Variants in BRCC3 observed in about 807,000 individuals in gnomAD.
BRCC3 encodes BRCA1/BRCA2-containing complex subunit 3.
BRCC3 carries 15 observed loss-of-function variants against 28.0 expected under a neutral mutation model. That is an observed-to-expected ratio of 0.54 (90% CI 0.36 to 0.82). The LOEUF is 0.82. Among genes scored for constraint, BRCC3 ranks in the 40% least tolerant of loss-of-function variants. The pLI, the probability that BRCC3 is intolerant of heterozygous loss-of-function variation, is 0.01. For synonymous variants in BRCC3, 66 were observed against 80.3 expected (o/e 0.82, Z 0.95); for missense variants, 109 against 225.9 (o/e 0.48, Z 3.32).
chrX:155,122,762 G>A lies in BRCC3; in HGVS notation c.*1558G>A, dbSNP rs1410421125. 9.0e-6 allele frequency: 1 copy of A among 111,440 alleles called. No homozygotes were observed. The highest frequency in any genetic ancestry group is 3.8e-4 in the South Asian group (1 of 2,647). The allele number at this position is 111,440 out of a possible 1,213,427, so 9.2% of individuals were successfully genotyped here. ...AGTCTCAAATGGTCACATACTGTAT[G>A]ATCGCATTTATATAACATTCTTGAG... On this transcript the variant is annotated 3_prime_UTR_variant, in exon 11 of 11. Coordinates refer to ENST00000330045, the MANE Select transcript of BRCC3 (RefSeq NM_001018055.3).
At chrX:155,093,326 G>A (rs2074186692) in intron 7 of BRCC3, among the ~76,000 whole-genome samples, 1 of 109,997 alleles carries the variant, frequency 9.1e-6, no homozygotes, top group African/African-American at 3.3e-5. Context: ...AATTTAAACA[G>A]TTTCTTCTAG....
At chrX:155,075,478 C>A (rs781992227) in intron 3 of BRCC3, among the ~76,000 whole-genome samples, 1 of 112,134 alleles carries the variant, frequency 8.9e-6, no homozygotes, top group African/African-American at 3.2e-5. Context: ...TATTGTATAT[C>A]TCTCATCCCA....
chrX:155,086,628 C>T (rs1462940464), intron 5 of BRCC3, among the ~76,000 whole-genome samples: 1 of 111,361 alleles, frequency 9.0e-6, no homozygotes, highest in Non-Finnish European at 1.9e-5. Context: ...CAAAGCGCTG[C>T]TCACAGCGCC....
At chrX:155,074,521 T>C (rs956105595) in intron 3 of BRCC3, among the ~76,000 whole-genome samples, 2 of 111,593 alleles carry the variant, frequency 1.8e-5, no homozygotes, top group African/African-American at 6.5e-5. Flanking sequence ...CCACAATCCT[T>C]TGTGGACTCC....
intron 7 of BRCC3, chrX:155,099,458 C>T (rs1557296651): frequency 1.7e-6 from 2 of 1,159,447 alleles, no homozygotes; most frequent in Non-Finnish European, 2.3e-6. Context: ...CCCAGAAGTC[C>T]CAGAAAACAA....
At position 155,071,515 on chromosome X, in the gene BRCC3, G is replaced by A. The variant is rs782742775; in HGVS notation, c.-13G>A. ...AGTGGGCCCGAGGCGGACGTGAGAA[G>A]GGTCGGGCCAAGATGGCGGTGCAGG... On this transcript the variant is annotated 5_prime_UTR_variant, in exon 1 of 11. Coordinates refer to ENST00000330045, the MANE Select transcript of BRCC3 (RefSeq NM_001018055.3). The A allele has an allele frequency of 1.4e-5, 17 of 1,195,098 alleles. No homozygotes were observed. The South Asian group carries it at 2.6e-4, about 18-fold the overall frequency.
At chrX:155,108,602 GT>G (rs1557297769) in intron 7 of BRCC3, among the ~76,000 whole-genome samples, 2 of 112,260 alleles carry the variant, frequency 1.8e-5, no homozygotes, top group African/African-American at 6.5e-5. Context: ...GTGTGCAGTA[GT>G]ATCTTATTGT....
At chrX:155,119,522 G>A (rs1476667160) in intron 9 of BRCC3, among the ~76,000 whole-genome samples, 1 of 112,176 alleles carries the variant, frequency 8.9e-6, no homozygotes, top group African/African-American at 3.2e-5. Context: ...TTTCAAAAGA[G>A]GAGCTCTCAG....
chrX:155,104,946 CT>C (rs1434554128), intron 7 of BRCC3, among the ~76,000 whole-genome samples: 8 of 112,543 alleles, frequency 7.1e-5, no homozygotes, highest in African/African-American at 2.6e-4. Context: ...TATTTTCCCC[CT>C]GACCACTTCA....
At chrX:155,076,033 T>C (rs1231416214) in intron 3 of BRCC3, among the ~76,000 whole-genome samples, 1 of 112,595 alleles carries the variant, frequency 8.9e-6, no homozygotes, top group African/African-American at 3.2e-5. Context: ...TAGATTCATA[T>C]TCTGCTTATG....
intron 5 of BRCC3, among the ~76,000 whole-genome samples, chrX:155,086,406 T>C (rs1366916493): frequency 2.7e-5 from 3 of 111,810 alleles, no homozygotes; most frequent in Non-Finnish European, 5.7e-5. Context: ...TGGAGTGCGA[T>C]GGCGCGCCCT....
At chrX:155,116,314 C>T (rs1159981641) in intron 8 of BRCC3, 126 bp downstream of exon 8, 2 of 574,999 alleles carry the variant, frequency 3.5e-6, no homozygotes, top group Non-Finnish European at 5.3e-6. Context: ...GGGAAGCTTT[C>T]TAGCAGTCTC....
chrX:155,117,085 A>G (rs1174097442), intron 9 of BRCC3, among the ~76,000 whole-genome samples: 1 of 112,238 alleles, frequency 8.9e-6, no homozygotes, highest in East Asian at 2.8e-4. Context: ...GACGGTTTCC[A>G]TGGTGTAATG....
At chrX:155,089,561 A>T (rs1200474637) in intron 6 of BRCC3, among the ~76,000 whole-genome samples, 1 of 111,867 alleles carries the variant, frequency 8.9e-6, no homozygotes, top group Non-Finnish European at 1.9e-5. Context: ...CAGAGGAAAT[A>T]GCCAGTCCAA....
chrX:155,112,697 C>A (rs1347181556), intron 7 of BRCC3, among the ~76,000 whole-genome samples: 1 of 112,271 alleles, frequency 8.9e-6, no homozygotes, highest in Non-Finnish European at 1.9e-5. Flanking sequence ...TAAAAGGCAT[C>A]CACATTGGAA....
Position 155,122,725 on chromosome X carries a change from A to C in BRCC3, c.*1521A>C, listed in dbSNP as rs1256178493. 1 of 107,582 alleles carries C rather than the reference A, an allele frequency of 9.3e-6. No homozygotes were observed. Among genetic ancestry groups the C allele is most frequent in the African/African-American group, 3.4e-5 (1 of 29,581 alleles). 8.9% of individuals were successfully genotyped at this position (107,582 alleles called of 1,213,427 possible). A position where few individuals can be genotyped will look rare whatever the true frequency, so the allele number is the denominator to read the frequency against. On this transcript the variant is annotated 3_prime_UTR_variant, in exon 11 of 11. Coordinates refer to ENST00000330045, the MANE Select transcript of BRCC3 (RefSeq NM_001018055.3). ...GTACCTCAGGGGTATTATGGTGAAC[A>C]AAAAAAAAACCAGTCTCAAATGGTC...
intron 5 of BRCC3, among the ~76,000 whole-genome samples, chrX:155,084,401 C>G (rs782052002): frequency 2.7e-5 from 3 of 110,631 alleles, no homozygotes; most frequent in African/African-American, 9.9e-5. Flanking sequence ...CTGGCTCTGT[C>G]GCCCAGGCTG....
intron 5 of BRCC3, among the ~76,000 whole-genome samples, chrX:155,080,557 A>C (rs1225063338): frequency 1.8e-5 from 2 of 112,322 alleles, no homozygotes; most frequent in African/African-American, 6.5e-5. Flanking sequence ...ATAATTCAAG[A>C]CAAAATAGAT....
At chrX:155,075,795 G>A (rs1165876897) in intron 3 of BRCC3, among the ~76,000 whole-genome samples, 1 of 111,682 alleles carries the variant, frequency 9.0e-6, no homozygotes, top group Non-Finnish European at 1.9e-5. Context: ...TTATGGCTTG[G>A]CATTTGAGGT....
Sources: allele counts gnomAD v4.1 joint callset (sites outside exome capture counted in the v4.1 genomes callset), GRCh38; gene constraint gnomAD v4.1.1; transcripts MANE v1.5; gene names NCBI Gene and HGNC (gene_info 2026-07-23, HGNC 2026-07-21).